EFR3A: variants seen among roughly 807,000 people sequenced by gnomAD.
The protein encoded by EFR3A is protein EFR3 homolog A.
Under a neutral mutation model 104.4 loss-of-function variants are expected in EFR3A, and 76 were observed. The observed-to-expected ratio is 0.73, with a 90% CI of 0.60 to 0.88. The LOEUF (loss-of-function observed/expected upper bound fraction) is 0.88, where lower values mean the gene tolerates loss of function less well. EFR3A is among the 40% of genes least tolerant of loss of function. The probability of loss-of-function intolerance (pLI) is 0.00; values close to 1 mark genes in which losing one functional copy is unlikely to be tolerated. For synonymous variants in EFR3A, 330 were observed against 330.0 expected, an observed-to-expected ratio of 1.00 and a Z score of 0.00; for missense variants, 985 against 1,012.5, an observed-to-expected ratio of 0.97 and a Z score of 0.37.
chr8:131,979,198 G>A (rs1820475810), intron 13 of EFR3A, 148 bp from the exon 14 acceptor site: 1 of 902,618 alleles, frequency 1.1e-6, no homozygotes, highest in East Asian at 2.7e-5. Flanking sequence ...TTTTTGGAGG[G>A]CACGTATGTA....
intron 19 of EFR3A, among the ~76,000 whole-genome samples, chr8:132,001,541 G>C (rs533257472): frequency 1.3e-5 from 2 of 152,064 alleles, no homozygotes; most frequent in Non-Finnish European, 2.9e-5. Flanking sequence ...CTAATCTATA[G>C]ACTTGTTTTG....
At chr8:131,972,256 C>CG (rs1554601639) in intron 10 of EFR3A, among the ~76,000 whole-genome samples, 1 of 139,616 alleles carries the variant, frequency 7.2e-6, no homozygotes, top group Non-Finnish European at 1.5e-5. Context: ...CTCCCTGAAC[C>CG]TTTTTTTTTT....
At chr8:131,911,787 C>G (rs1586516974) in intron 1 of EFR3A, among the ~76,000 whole-genome samples, 2 of 152,126 alleles carry the variant, frequency 1.3e-5, no homozygotes, top group African/African-American at 2.4e-5. Flanking sequence ...AGTGGGGAAA[C>G]TCAGCAAGGC....
chr8:131,904,503 G>T (rs940230065), intron 1 of EFR3A, among the ~76,000 whole-genome samples, 181 bp downstream of exon 1: 2 of 152,272 alleles, frequency 1.3e-5, no homozygotes, highest in African/African-American at 4.8e-5. Flanking sequence ...GCGTGAGCCC[G>T]TTGCACGGAT....
chr8:131,925,458 C>A (rs1344075010), intron 1 of EFR3A, among the ~76,000 whole-genome samples: 1 of 151,976 alleles, frequency 6.6e-6, no homozygotes, highest in Non-Finnish European at 1.5e-5. Context: ...GCATTGCACT[C>A]CATTTCCAAT....
intron 1 of EFR3A, among the ~76,000 whole-genome samples, chr8:131,915,728 G>C (rs1816714706): frequency 6.6e-6 from 1 of 152,170 alleles, no homozygotes; most frequent in South Asian, 2.1e-4. Context: ...GAGAAATGCT[G>C]GATTGGGGAA....
intron 11 of EFR3A, among the ~76,000 whole-genome samples, chr8:131,976,782 A>G (rs1280058174): frequency 6.6e-6 from 1 of 152,098 alleles, no homozygotes; most frequent in Middle Eastern, 3.2e-3. Flanking sequence ...GTCTGTTTAT[A>G]TGATTTAATT....
At chr8:131,912,230 T>C (rs1218751023) in intron 1 of EFR3A, among the ~76,000 whole-genome samples, 1 of 152,122 alleles carries the variant, frequency 6.6e-6, no homozygotes, top group Non-Finnish European at 1.5e-5. Flanking sequence ...GAATCCTGGG[T>C]GGGTGTGCTC....
chr8:132,008,926 A>G (rs546478416), intron 22 of EFR3A, among the ~76,000 whole-genome samples: 8 of 149,548 alleles, frequency 5.3e-5, no homozygotes, highest in African/African-American at 2.0e-4. Context: ...TGTGATTTAC[A>G]TGAGTGTATA....
chr8:131,933,445 G>A (rs1817717597), intron 1 of EFR3A, among the ~76,000 whole-genome samples: 1 of 145,124 alleles, frequency 6.9e-6, no homozygotes, highest in African/African-American at 2.6e-5. Flanking sequence ...ACTAAGCCAG[G>A]ATCAGATGAA....
chr8:131,974,598 C>T (rs1820229169), intron 10 of EFR3A, among the ~76,000 whole-genome samples: 1 of 152,168 alleles, frequency 6.6e-6, no homozygotes, highest in Non-Finnish European at 1.5e-5. Context: ...CTCTTATCCT[C>T]ATTTCCATAA....
intron 5 of EFR3A, 50 bp downstream of exon 5, chr8:131,950,140 T>C: frequency 1.3e-6 from 2 of 1,508,560 alleles, no homozygotes; most frequent in South Asian, 1.2e-5. Flanking sequence ...TAGAGATTAA[T>C]ATTGTGTTCA....
At chr8:131,926,438 A>G (rs1318455333) in intron 1 of EFR3A, among the ~76,000 whole-genome samples, 1 of 152,122 alleles carries the variant, frequency 6.6e-6, no homozygotes, top group Non-Finnish European at 1.5e-5. Context: ...AAAAATTTGT[A>G]TCTTCTTATT....
chr8:131,939,111 T>TA (rs1818043213), intron 1 of EFR3A, among the ~76,000 whole-genome samples: 1 of 152,288 alleles, frequency 6.6e-6, no homozygotes, highest in South Asian at 2.1e-4. Context: ...ATACTCCTCT[T>TA]ACTGCATTAC....
chr8:131,914,035 G>A (rs540264329), intron 1 of EFR3A, among the ~76,000 whole-genome samples: 79 of 152,290 alleles, frequency 5.2e-4, no homozygotes, highest in Middle Eastern at 6.8e-3. Flanking sequence ...CTGTGCTTTA[G>A]AGGTGGAAAT....
At chr8:131,961,758 C>CA (rs1315758519) in intron 8 of EFR3A, among the ~76,000 whole-genome samples, 1 of 152,142 alleles carries the variant, frequency 6.6e-6, no homozygotes, top group Non-Finnish European at 1.5e-5. Flanking sequence ...ACATAATTGT[C>CA]AGATTCACCA....
chr8:131,995,554 C>G (rs1209323353), intron 18 of EFR3A, among the ~76,000 whole-genome samples: 1 of 152,116 alleles, frequency 6.6e-6, no homozygotes, highest in Non-Finnish European at 1.5e-5. Flanking sequence ...ACATTATGAT[C>G]AACAAATTCA....
chr8:131,940,356 A>G, intron 1 of EFR3A, 143 bp from the exon 2 acceptor site: 2 of 782,804 alleles, frequency 2.6e-6, no homozygotes, highest in Non-Finnish European at 3.9e-6. Flanking sequence ...TTTCTTAATC[A>G]CTGATTACAT....
At chr8:131,924,560 C>G (rs1817206276) in intron 1 of EFR3A, among the ~76,000 whole-genome samples, 1 of 152,124 alleles carries the variant, frequency 6.6e-6, no homozygotes, top group Non-Finnish European at 1.5e-5. Context: ...GGCCCCAGAG[C>G]TAAATCTGCA....
Sources: gnomAD v4.1 joint callset for allele counts (sites outside exome capture counted in the v4.1 genomes callset) on GRCh38, gnomAD v4.1.1 for gene constraint, MANE v1.5 for transcripts, NCBI Gene and HGNC (gene_info 2026-07-23, HGNC 2026-07-21) for gene names.